Variants in KIAA0586 observed in about 807,000 individuals in gnomAD.
KIAA0586 encodes the protein KIAA0586.
In KIAA0586, 144 loss-of-function variants were observed where a neutral mutation model predicts 169.8. The observed-to-expected ratio is 0.85, with a 90% CI of 0.74 to 0.97. The LOEUF is 0.97. Ranked by LOEUF, KIAA0586 falls within the 50% of genes least tolerant of loss-of-function variation. The pLI is 0.00. For missense variants in KIAA0586, 1,854 were observed against 1,823.0 expected (o/e 1.02, Z -0.31); for synonymous variants, 625 against 612.4 (o/e 1.02, Z -0.30).
At chr14:58,432,696 A>G (rs2037479099) in intron 4 of KIAA0586, among the ~76,000 whole-genome samples, 1 of 152,154 alleles carries the variant, frequency 6.6e-6, no homozygotes, top group African/African-American at 2.4e-5. Flanking sequence ...TACTATCCCA[A>G]TTTTATAGAA....
chr14:58,521,720 G>A, intron 29 of KIAA0586: 2 of 857,360 alleles, frequency 2.3e-6, no homozygotes, highest in Non-Finnish European at 2.0e-6. Context: ...AAACCTAGAA[G>A]AAAATTGAAA....
intron 20 of KIAA0586, among the ~76,000 whole-genome samples, chr14:58,480,605 T>A (rs1264469574): frequency 6.6e-6 from 1 of 152,166 alleles, no homozygotes; most frequent in Non-Finnish European, 1.5e-5. Flanking sequence ...TCTAAAATTC[T>A]TCTCATTTTT....
At chr14:58,483,532 G>A (rs988171503) in intron 21 of KIAA0586, among the ~76,000 whole-genome samples, 7 of 151,902 alleles carry the variant, frequency 4.6e-5, no homozygotes, top group African/African-American at 1.7e-4. Flanking sequence ...ACCATATTTA[G>A]ATTTCCTTAA....
chr14:58,539,049 G>C (rs1323745208), intron 29 of KIAA0586, among the ~76,000 whole-genome samples: 1 of 152,128 alleles, frequency 6.6e-6, no homozygotes, highest in Admixed American at 6.5e-5. Flanking sequence ...CGAAGTGCTT[G>C]GATTACAGGC....
intron 30 of KIAA0586, among the ~76,000 whole-genome samples, chr14:58,540,563 A>T (rs2046584688): frequency 6.6e-6 from 1 of 152,206 alleles, no homozygotes; most frequent in Non-Finnish European, 1.5e-5. Context: ...TAGAGGAAAA[A>T]ATTGGAGTTG....
At chr14:58,464,056 A>G in intron 14 of KIAA0586, 1 of 432,960 alleles carries the variant, frequency 2.3e-6, no homozygotes, top group Non-Finnish European at 4.7e-6. Flanking sequence ...AATTGATGAT[A>G]TGAGTAGTCA....
At position 58,499,995 on chromosome 14, in the gene KIAA0586, C is replaced by T. The variant is rs146377106; in HGVS notation, c.4168+1035C>T. Among the ~76,000 whole-genome samples, 125 of 152,336 alleles carry T rather than the reference C, an allele frequency of 8.2e-4. 1 individual carries two copies. The highest frequency in any genetic ancestry group is 5.9e-5 in the Non-Finnish European group (4 of 68,036). The stretch of plus-strand genomic sequence containing the variant: ...ATGCTATATGAATTTCAGTAGCACT[C>T]TGCATTCAGGACTATTTTAGAATTT... On this transcript the variant is annotated intron_variant, in intron 27 of 30. Coordinates refer to ENST00000652326, the MANE Select transcript of KIAA0586 (RefSeq NM_001329943.3).
intron 1 of KIAA0586, among the ~76,000 whole-genome samples, chr14:58,429,154 A>G (rs918740270): frequency 6.6e-6 from 1 of 152,230 alleles, no homozygotes; most frequent in South Asian, 2.1e-4. Flanking sequence ...CTTTATTGTC[A>G]GTACCGAACC....
the KIAA0586 span, among the ~76,000 whole-genome samples, chr14:58,558,848 C>CT: frequency 6.6e-6 from 1 of 152,284 alleles, no homozygotes; most frequent in Admixed American, 6.5e-5. Context: ...AGTCCTTGTT[C>CT]TTAACAGCAA....
chr14:58,497,244 AT>A lies in KIAA0586; in HGVS notation c.3991-1537del, dbSNP rs1270828467. Among the ~76,000 whole-genome samples the A allele has an allele frequency of 1.4e-4, 21 of 152,204 alleles. No individual in the cohort carries two copies. The Middle Eastern group carries it at 0.017, about 123-fold the overall frequency. Reference sequence around the variant, plus strand: ...CACCTCGGCCTCCCAAAGTGCTGAGATTACAGGCGTGACCCACCATGCCCAG... The same window carrying A: ...CACCTCGGCCTCCCAAAGTGCTGAGATACAGGCGTGACCCACCATGCCCAG... On this transcript the variant is annotated intron_variant, in intron 26 of 30. Coordinates refer to ENST00000652326, the MANE Select transcript of KIAA0586 (RefSeq NM_001329943.3).
At chr14:58,544,446 AT>A (rs2046857044) in intron 30 of KIAA0586, among the ~76,000 whole-genome samples, 1 of 152,166 alleles carries the variant, frequency 6.6e-6, no homozygotes, top group Non-Finnish European at 1.5e-5. Flanking sequence ...GAATCATTAT[AT>A]TACTTTCCAT....
At chr14:58,435,603 C>CT (rs1315882788) in intron 4 of KIAA0586, among the ~76,000 whole-genome samples, 1 of 152,136 alleles carries the variant, frequency 6.6e-6, no homozygotes, top group Non-Finnish European at 1.5e-5. Flanking sequence ...ATTTTGTATC[C>CT]TTTAACAAAT....
In KIAA0586 at chr14:58,551,206, TAAA is replaced by T. The variant is rs2047193236; in HGVS notation, c.*3275_*3277del. 1 of 151,940 alleles carries T rather than the reference TAAA, an allele frequency of 6.6e-6. No individual in the cohort carries two copies. The allele number at this position is 151,940 out of a possible 1,614,324, so 9.4% of individuals were successfully genotyped here. On this transcript the variant is annotated 3_prime_UTR_variant, in exon 31 of 31. Coordinates refer to ENST00000652326, the MANE Select transcript of KIAA0586 (RefSeq NM_001329943.3). ...TCTGTCTCAAAAATAAATAAATAAA[TAAA>T]TAAAATGTTCCTCTGTTTTAAATCC...
rs372809817 is a variant in KIAA0586, at chr14:58,485,072, C to G, written c.3145-1935C>G. Among the ~76,000 whole-genome samples, 367 of 145,824 alleles carry G rather than the reference C, an allele frequency of 2.5e-3. 1 individual carries two copies. The highest frequency in any genetic ancestry group is 0.01 in the East Asian group (51 of 4,970). On this transcript the variant is annotated intron_variant, in intron 21 of 30. Coordinates refer to ENST00000652326, the MANE Select transcript of KIAA0586 (RefSeq NM_001329943.3). ...CTAAGTAGCTGGGATTACAGGCGCC[C>G]GCCACCACACCCAGCTAATTTTTGC...
chr14:58,492,778 G>A (rs1796900923), intron 26 of KIAA0586, among the ~76,000 whole-genome samples: 1 of 152,190 alleles, frequency 6.6e-6, no homozygotes, highest in South Asian at 2.1e-4. Context: ...CTTTAAAGAT[G>A]GAGTAGGACT....
chr14:58,488,538 G>T, intron 23 of KIAA0586, 83 bp from the exon 24 acceptor site: 1 of 1,475,732 alleles, frequency 6.8e-7, no homozygotes, highest in Non-Finnish European at 9.2e-7. Flanking sequence ...AGGAGACATA[G>T]TCTTCGAGTC....
intron 20 of KIAA0586, among the ~76,000 whole-genome samples, chr14:58,479,207 C>T (rs535142463): frequency 6.6e-6 from 1 of 152,206 alleles, no homozygotes; most frequent in Non-Finnish European, 1.5e-5. Context: ...GTTTATAATT[C>T]TAGCCATTTC....
At chr14:58,505,539 CA>C (rs2141385291) in intron 27 of KIAA0586, among the ~76,000 whole-genome samples, 1 of 152,276 alleles carries the variant, frequency 6.6e-6, no homozygotes, top group African/African-American at 2.4e-5. Flanking sequence ...TAGATAATGC[CA>C]AGTTGCTTTC....
downstream of KIAA0586, among the ~76,000 whole-genome samples, chr14:58,554,539 G>T (rs2047233107): frequency 6.6e-6 from 1 of 152,146 alleles, no homozygotes; most frequent in Non-Finnish European, 1.5e-5. Flanking sequence ...ACCACATAGG[G>T]CATGCTATAA....
Sources: allele counts gnomAD v4.1 joint callset (sites outside exome capture counted in the v4.1 genomes callset), GRCh38; gene constraint gnomAD v4.1.1; transcripts MANE v1.5; gene names NCBI Gene and HGNC (gene_info 2026-07-23, HGNC 2026-07-21).